Variants in SLC10A1 observed in about 807,000 individuals in gnomAD.
SLC10A1 encodes hepatic sodium/bile acid cotransporter.
SLC10A1 carries 36 observed loss-of-function variants against 20.5 expected under a neutral mutation model. That is an observed-to-expected ratio of 1.75 (90% CI 1.34 to 2.32). SLC10A1 has a LOEUF of 2.32. Among genes scored for constraint, SLC10A1 ranks in the 30% most tolerant of loss-of-function variants. The pLI, the probability that SLC10A1 is intolerant of heterozygous loss-of-function variation, is 0.00. For missense variants in SLC10A1, 545 were observed against 439.1 expected, an observed-to-expected ratio of 1.24 and a Z score of -2.16; for synonymous variants, 188 against 163.6, an observed-to-expected ratio of 1.15 and a Z score of -1.14.
rs201339654 is a variant in SLC10A1 at position 69,786,192 on chromosome 14, C to G, written c.472G>C (p.Gly158Arg). 6.2e-7 allele frequency: 1 copy of G among 1,614,082 alleles called. No homozygotes were observed. The highest frequency in any genetic ancestry group is 2.2e-5 in the East Asian group (1 of 44,870). The part of the protein sequence containing the change: ...GDLKDKVPYK[G>R]IVISLVLVLI... ...ACCAGGACCAGTGATATCACGATGC[C>G]TTTATAGGGCACCTTGTCCTTCAGG... The change falls in exon 2 of 5, where the codon GGC becomes CGC. Residue 158 changes from glycine to arginine, a missense_variant. Physicochemically the swap from Gly to Arg is moderately radical, Grantham distance 125 (BLOSUM62 -2). Transcript: ENST00000216540.
chr14:69,788,706 G>A lies in SLC10A1; in HGVS notation c.357-2399C>T, dbSNP rs376252240. 1.0e-3 allele frequency among the ~76,000 whole-genome samples: 153 copies of A among 152,096 alleles called. 3 individuals carry two copies. The East Asian group carries it at 0.028, about 28-fold the overall frequency. On this transcript the variant is annotated intron_variant, in intron 1 of 4. Transcript: ENST00000216540. ...ACTACAGGCGCCTGCCACCACGCCC[G>A]GCTAATTTTTTTTGTATTTTTAGTA...
chr14:69,786,289 G>GC lies in SLC10A1; in HGVS notation c.374dup (p.Cys125TrpfsTer23). The GC allele has an allele frequency of 1.2e-6, 2 of 1,614,100 alleles. No individual in the cohort carries two copies. Among genetic ancestry groups the GC allele is most frequent in the East Asian group, 4.5e-5 (2 of 44,884 alleles). On this transcript the variant is annotated frameshift_variant, in exon 2 of 5. Coordinates refer to ENST00000216540, the MANE Select transcript of SLC10A1 (RefSeq NM_003049.4). LOFTEE classifies it high-confidence loss of function. ...TCATGCCAAGGGCACAGAAGGTGGA[G>GC]CAGGTGGTCATCACAATGCTGGTGG...
At chr14:69,793,521 G>A (rs559866427) in intron 1 of SLC10A1, among the ~76,000 whole-genome samples, 11 of 152,260 alleles carry the variant, frequency 7.2e-5, no homozygotes, top group African/African-American at 9.6e-5. Flanking sequence ...TCGAGTGTCC[G>A]TCAATGCACA....
chr14:69,795,146 A>G (rs1325810269), intron 1 of SLC10A1, among the ~76,000 whole-genome samples: 2 of 152,232 alleles, frequency 1.3e-5, no homozygotes, highest in African/African-American at 4.8e-5. Context: ...CAGAAGCCAG[A>G]TCCAAGACCA....
At chr14:69,785,797 C>T (rs1306510024) in intron 2 of SLC10A1, among the ~76,000 whole-genome samples, 23 of 147,578 alleles carry the variant, frequency 1.6e-4, no homozygotes, top group African/African-American at 4.5e-4. Flanking sequence ...TTAATGGAGA[C>T]GGGGTTTCGT....
intron 1 of SLC10A1, among the ~76,000 whole-genome samples, chr14:69,788,471 A>G (rs964466548): frequency 6.6e-6 from 1 of 152,172 alleles, no homozygotes; most frequent in Non-Finnish European, 1.5e-5. Flanking sequence ...TGAAAAGCCA[A>G]CAAGAGAATG....
At position 69,786,197 on chromosome 14, in the gene SLC10A1, T is replaced by G. The variant is rs1883707708; in HGVS notation, c.467A>C (p.Tyr156Ser). The G allele has an allele frequency of 6.2e-7, 1 of 1,613,888 alleles. No homozygotes were observed. The highest frequency in any genetic ancestry group is 1.3e-5 in the African/African-American group (1 of 74,900). ...GACCAGTGATATCACGATGCCTTTA[T>G]AGGGCACCTTGTCCTTCAGGTCCCC... ...YDGDLKDKVPYKGIVISLVLV... is the reference protein window; with the variant it reads ...YDGDLKDKVPSKGIVISLVLV... The change falls in exon 2 of 5, where the codon TAT (tyrosine) becomes TCT (serine). Residue 156 changes from tyrosine (Y) to serine (S), a missense_variant. Physicochemically the swap from Tyr to Ser is moderately radical, Grantham distance 144. Coordinates refer to ENST00000216540, the MANE Select transcript of SLC10A1 (RefSeq NM_003049.4).
intron 2 of SLC10A1, among the ~76,000 whole-genome samples, chr14:69,782,936 TTC>T (rs778446639): frequency 6.6e-6 from 1 of 152,226 alleles, no homozygotes; most frequent in South Asian, 2.1e-4. Context: ...TGACTTGGTA[TTC>T]TGTTTCCCAG....
intron 2 of SLC10A1, among the ~76,000 whole-genome samples, chr14:69,782,794 T>A (rs1017880982): frequency 1.4e-5 from 2 of 139,248 alleles, no homozygotes; most frequent in Non-Finnish European, 3.0e-5. Context: ...GGCGACAGAG[T>A]GAGACTCCGT....
chr14:69,783,944 GGGA>G (rs1396667060), intron 2 of SLC10A1, among the ~76,000 whole-genome samples: 1 of 152,190 alleles, frequency 6.6e-6, no homozygotes, highest in East Asian at 1.9e-4. Context: ...TAACCACATG[GGGA>G]GGAGATGACT....
rs200792645 is a variant in SLC10A1, at chr14:69,776,103, G to A, written c.*179C>T. 2.1e-4 allele frequency: 123 copies of A among 576,090 alleles called. No homozygotes were observed. The highest frequency in any genetic ancestry group is 3.5e-4 in the Non-Finnish European group (112 of 324,154). The allele number at this position is 576,090 out of a possible 1,614,324, so 35.7% of individuals were successfully genotyped here. Reference sequence around the variant, plus strand: ...CAAATTCTAAGTTGGGGATAGGTGAGGCTTCTTGGGTAGACACCCTGTCTG... The same window carrying A: ...CAAATTCTAAGTTGGGGATAGGTGAAGCTTCTTGGGTAGACACCCTGTCTG... On this transcript the variant is annotated 3_prime_UTR_variant, in exon 5 of 5. Coordinates refer to ENST00000216540, the MANE Select transcript of SLC10A1 (RefSeq NM_003049.4).
chr14:69,782,409 C>A (rs1305822744), intron 2 of SLC10A1, among the ~76,000 whole-genome samples: 1 of 152,216 alleles, frequency 6.6e-6, no homozygotes, highest in Non-Finnish European at 1.5e-5. Flanking sequence ...TTGAAATAAT[C>A]CTGGCTCTGC....
chr14:69,782,208 A>T (rs1013108587), intron 2 of SLC10A1, among the ~76,000 whole-genome samples: 3 of 152,226 alleles, frequency 2.0e-5, no homozygotes, highest in African/African-American at 7.2e-5. Flanking sequence ...CTGGAGGTTT[A>T]GCCAGGGGCA....
intron 1 of SLC10A1, among the ~76,000 whole-genome samples, chr14:69,790,474 A>G (rs1020450020): frequency 1.3e-5 from 2 of 152,162 alleles, no homozygotes; most frequent in Admixed American, 6.5e-5. Context: ...AAAAAATACA[A>G]TGAACAAGAT....
At chr14:69,793,048 AG>A (rs1412661635) in intron 1 of SLC10A1, among the ~76,000 whole-genome samples, 1 of 152,174 alleles carries the variant, frequency 6.6e-6, no homozygotes, top group Non-Finnish European at 1.5e-5. Context: ...ATAGGAATAC[AG>A]GGGGTTTCAA....
In SLC10A1 at chr14:69,779,160, T is replaced by TA. The variant is rs4646291; in HGVS notation, c.746+21dup. 0.025 allele frequency: 34,258 copies of TA among 1,372,810 alleles called. 13 individuals are homozygous for TA. The highest frequency in any genetic ancestry group is 0.028 in the African/African-American group (1,765 of 62,656). The allele number at this position is 1,372,810 out of a possible 1,614,324, so 85.0% of individuals were successfully genotyped here. A position where few individuals can be genotyped will look rare whatever the true frequency, so the allele number is the denominator to read the frequency against. Reference sequence around the variant, plus strand: ...TGGGCAACAGAGTGAGACCCTTTCTTAAAAAAAAAAAAAATACCTACCGTC... The same window carrying TA: ...TGGGCAACAGAGTGAGACCCTTTCTTAAAAAAAAAAAAAAATACCTACCGTC... On this transcript the variant is annotated intron_variant, in intron 3 of 4. Coordinates refer to ENST00000216540, the MANE Select transcript of SLC10A1 (RefSeq NM_003049.4).
chr14:69,781,118 G>A (rs1431348301), intron 2 of SLC10A1, among the ~76,000 whole-genome samples: 2 of 152,152 alleles, frequency 1.3e-5, no homozygotes, highest in African/African-American at 4.8e-5. Flanking sequence ...ACCTGAGTGA[G>A]GTTGACGGCA....
At chr14:69,782,923 C>G (rs148584594) in intron 2 of SLC10A1, among the ~76,000 whole-genome samples, 125 of 152,194 alleles carry the variant, frequency 8.2e-4, no homozygotes, top group Middle Eastern at 3.4e-3. Context: ...GTCATTAGCA[C>G]TATGACTTGG....
chr14:69,782,152 A>C (rs538661406), intron 2 of SLC10A1, among the ~76,000 whole-genome samples: 58 of 152,296 alleles, frequency 3.8e-4, no homozygotes, highest in African/African-American at 1.4e-3. Context: ...CCAGTTTTGG[A>C]ATATAGGAAG....
Sources: gnomAD v4.1 joint callset for allele counts (sites outside exome capture counted in the v4.1 genomes callset) on GRCh38, gnomAD v4.1.1 for gene constraint, MANE v1.5 for transcripts, NCBI Gene and HGNC (gene_info 2026-07-23, HGNC 2026-07-21) for gene names.